Variants in BMP7 observed in about 807,000 individuals in gnomAD.
The protein encoded by BMP7 is bone morphogenetic protein 7.
A neutral mutation model predicts 41.2 loss-of-function variants in BMP7; 12 were observed. The observed-to-expected ratio is 0.29, with a 90% CI of 0.19 to 0.47. The LOEUF is 0.47. BMP7 is among the 20% of genes least tolerant of loss of function. BMP7 has a pLI of 0.99. For missense variants in BMP7, 467 were observed against 606.0 expected (o/e 0.77, Z 2.41); for synonymous variants, 248 against 250.0 (o/e 0.99, Z 0.07).
At chr20:57,212,432 G>A (rs6127971) in intron 2 of BMP7, among the ~76,000 whole-genome samples, 1 of 151,916 alleles carries the variant, frequency 6.6e-6, no homozygotes, top group African/African-American at 2.4e-5. Flanking sequence ...CAGGAGTGGA[G>A]ATGACGGGCT....
rs761254136 is a variant in BMP7, at chr20:57,183,799, G to A, written c.881C>T (p.Thr294Met). 56 of 1,614,048 alleles carry A rather than the reference G, an allele frequency of 3.5e-5. No individual in the cohort carries two copies. Among genetic ancestry groups the A allele is most frequent in the East Asian group, 4.5e-5 (2 of 44,902 alleles). The change falls in exon 4 of 7, where the codon ACG becomes ATG. Residue 294 changes from threonine (T) to methionine (M), a missense_variant. By Grantham distance (81) the Thr-to-Met change is moderately conservative. Coordinates refer to ENST00000395863, the MANE Select transcript of BMP7 (RefSeq NM_001719.3). ...GTTCTGGCTGCGCTGTTTGCTCCCC[G>A]TGGACCGGATGCTGCGGAAGTGGAC... ...TEVHFRSIRS[T>M]GSKQRSQNRS...
At chr20:57,205,747 G>A (rs752052686) in intron 2 of BMP7, among the ~76,000 whole-genome samples, 26 of 152,104 alleles carry the variant, frequency 1.7e-4, no homozygotes, top group East Asian at 1.9e-4. Context: ...AGAACGCCTC[G>A]CCAAACGATA....
chr20:57,223,659 T>C (rs534059516), intron 2 of BMP7, among the ~76,000 whole-genome samples: 2 of 152,312 alleles, frequency 1.3e-5, no homozygotes, highest in East Asian at 3.9e-4. Flanking sequence ...GGATGATACA[T>C]CTTCATAGGA....
chr20:57,171,216 C>T lies in BMP7; in HGVS notation c.1147-108G>A. 3 of 1,486,952 alleles carry T rather than the reference C, an allele frequency of 2.0e-6. No homozygotes were observed. Among genetic ancestry groups the T allele is most frequent in the Non-Finnish European group, 2.8e-6 (3 of 1,078,078 alleles). 92.1% of individuals were successfully genotyped at this position (1,486,952 alleles called of 1,614,324 possible). A position where few individuals can be genotyped will look rare whatever the true frequency, so the allele number is the denominator to read the frequency against. On this transcript the variant is annotated intron_variant, in intron 6 of 6. Coordinates refer to ENST00000395863, the MANE Select transcript of BMP7 (RefSeq NM_001719.3). The surrounding 1 kb of genome is among the most constrained non-coding windows in gnomAD (Gnocchi z 4.5). ...CCTGTCTGGGCATAATGAATGACTG[C>T]AGGTGACACTCCCCAAGCCAAGCAC...
intron 3 of BMP7, among the ~76,000 whole-genome samples, chr20:57,186,166 G>A (rs1426217405): frequency 3.3e-5 from 5 of 152,240 alleles, no homozygotes; most frequent in Non-Finnish European, 7.3e-5. Flanking sequence ...TGGGGAAAGT[G>A]TGTACAGCCT....
At chr20:57,176,154 T>C (rs1027527147) in intron 4 of BMP7, among the ~76,000 whole-genome samples, 1 of 152,186 alleles carries the variant, frequency 6.6e-6, no homozygotes, top group Non-Finnish European at 1.5e-5. Context: ...GAAAGACCCA[T>C]GGAGAGACAT....
chr20:57,211,711 G>C (rs1046917873), intron 2 of BMP7, among the ~76,000 whole-genome samples: 1 of 152,200 alleles, frequency 6.6e-6, no homozygotes, highest in African/African-American at 2.4e-5. Flanking sequence ...AGCGAAAGCA[G>C]GGGTCAGGGT....
chr20:57,252,944 C>T (rs952738546), intron 1 of BMP7, among the ~76,000 whole-genome samples: 1 of 152,148 alleles, frequency 6.6e-6, no homozygotes, highest in Admixed American at 6.5e-5. Flanking sequence ...TGCTGCCAAA[C>T]ATCCTATAAT....
At position 57,266,314 on chromosome 20, in the gene BMP7, C is replaced by T; in HGVS notation, c.-192G>A. On this transcript the variant is annotated 5_prime_UTR_variant, in exon 1 of 7. Coordinates refer to ENST00000395863, the MANE Select transcript of BMP7 (RefSeq NM_001719.3). ...ACCCCCGCCCCCTGCTCGGTGCTGG[C>T]CCCGGGCCCCTCGCCCCGCACTCGC... is the stretch of plus-strand genomic sequence containing the variant. 5.3e-6 allele frequency: 2 copies of T among 377,384 alleles called. No individual in the cohort carries two copies. The highest frequency in any genetic ancestry group is 4.3e-6 in the Non-Finnish European group (1 of 230,870). The allele number at this position is 377,384 out of a possible 1,614,324, so 23.4% of individuals were successfully genotyped here.
chr20:57,201,886 G>C (rs1984629655), intron 3 of BMP7, among the ~76,000 whole-genome samples: 1 of 152,194 alleles, frequency 6.6e-6, no homozygotes, highest in African/African-American at 2.4e-5. Flanking sequence ...GGGGAGGGCA[G>C]ACTCACAATG....
intron 2 of BMP7, among the ~76,000 whole-genome samples, chr20:57,205,374 G>A (rs1984707930): frequency 6.6e-6 from 1 of 152,132 alleles, no homozygotes; most frequent in African/African-American, 2.4e-5. Context: ...CTTCGGGGAT[G>A]TCTACACAGA....
chr20:57,207,221 C>T (rs1984752380), intron 2 of BMP7, among the ~76,000 whole-genome samples: 1 of 152,170 alleles, frequency 6.6e-6, no homozygotes, highest in East Asian at 1.9e-4. Flanking sequence ...AATCTGACTA[C>T]ACTGCTGAAG....
chr20:57,264,280 C>A (rs2066165189), intron 1 of BMP7, among the ~76,000 whole-genome samples: 2 of 152,194 alleles, frequency 1.3e-5, no homozygotes, highest in Admixed American at 6.5e-5. Flanking sequence ...AGGTGCCCAG[C>A]GTGGGGCTTC....
intron 2 of BMP7, among the ~76,000 whole-genome samples, chr20:57,227,195 G>A (rs1037540247): frequency 1.3e-5 from 2 of 152,112 alleles, no homozygotes; most frequent in South Asian, 2.1e-4. Flanking sequence ...CTGGGCTCAC[G>A]TCCTAATGTG....
intron 2 of BMP7, among the ~76,000 whole-genome samples, chr20:57,218,274 G>A (rs1205467486): frequency 6.6e-6 from 1 of 152,268 alleles, no homozygotes; most frequent in Non-Finnish European, 1.5e-5. Flanking sequence ...CCCTACACCT[G>A]ACTAGTTGGG....
chr20:57,204,754 T>C (rs765516541), intron 2 of BMP7, among the ~76,000 whole-genome samples: 3 of 152,188 alleles, frequency 2.0e-5, no homozygotes, highest in Non-Finnish European at 4.4e-5. Flanking sequence ...AGGAGTCACC[T>C]CCTCCCATGC....
intron 2 of BMP7, among the ~76,000 whole-genome samples, chr20:57,207,666 G>A (rs1053712347): frequency 3.9e-5 from 6 of 152,200 alleles, no homozygotes; most frequent in African/African-American, 2.4e-5. Flanking sequence ...AATATGATAG[G>A]AAGGTGCTAA....
intron 3 of BMP7, chr20:57,187,110 C>CT (rs1272027878): frequency 6.6e-6 from 1 of 152,238 alleles, no homozygotes; most frequent in Non-Finnish European, 1.5e-5. Flanking sequence ...TCTGGCTTGC[C>CT]TTGGGCAGCT....
chr20:57,245,078 G>A (rs937308205), intron 1 of BMP7, among the ~76,000 whole-genome samples: 1 of 152,080 alleles, frequency 6.6e-6, no homozygotes. Context: ...CTCTGTCCCT[G>A]GACCACAGTA....
Sources: allele counts gnomAD v4.1 joint callset (sites outside exome capture counted in the v4.1 genomes callset), GRCh38; gene constraint gnomAD v4.1.1; non-coding constraint Gnocchi (gnomAD v3.1); transcripts MANE v1.5; gene names NCBI Gene and HGNC (gene_info 2026-07-23, HGNC 2026-07-21).